SLC11A1: variants seen among roughly 807,000 people sequenced by gnomAD.
The protein encoded by SLC11A1 is natural resistance-associated macrophage protein 1.
A neutral mutation model predicts 63.2 loss-of-function variants in SLC11A1; 59 were observed. The observed-to-expected ratio is 0.93, with a 90% CI of 0.76 to 1.16. The LOEUF is 1.16. Ranked by LOEUF, SLC11A1 falls within the 50% of genes most tolerant of loss-of-function variation. SLC11A1 has a pLI of 0.00. For synonymous variants in SLC11A1, 305 were observed against 307.8 expected (o/e 0.99, Z 0.09); for missense variants, 688 against 730.7 (o/e 0.94, Z 0.67).
In SLC11A1 at chr2:218,393,006, GC is replaced by G; in HGVS notation, c.1191del (p.Phe398SerfsTer24). The G allele has an allele frequency of 6.3e-7, 1 of 1,594,876 alleles. No individual in the cohort carries two copies. Among genetic ancestry groups the G allele is most frequent in the Non-Finnish European group, 8.5e-7 (1 of 1,173,834 alleles). On this transcript the variant is annotated frameshift_variant, in exon 12 of 15. Transcript: ENST00000233202. LOFTEE classifies it high-confidence loss of function. ...GGCTTCCTGAGGCTGCGGTGGTCAC[GC>G]TTCGCCCGTGTCCTCCTCACCCGCT... is the stretch of plus-strand genomic sequence containing the variant. The part of the protein sequence containing the change: ...MEGFLRLRWS[R>X]FARVLLTRSC...
intron 4 of SLC11A1, among the ~76,000 whole-genome samples, chr2:218,386,270 T>C (rs572734464): frequency 6.6e-6 from 1 of 152,090 alleles, no homozygotes; most frequent in Admixed American, 6.5e-5. Flanking sequence ...CTGACCAACA[T>C]GGAGAAACCC....
At chr2:218,388,369 C>CA (rs34511982) in intron 8 of SLC11A1, 13,587 of 115,460 alleles carry the variant, frequency 0.12, 949 homozygotes, top group African/African-American at 0.22. Context: ...GACTCTGTCT[C>CA]AAAAAAAAAA....
Position 218,384,547 on chromosome 2 carries a change from A to G in SLC11A1, c.273+182A>G. 1 of 440,322 alleles carries G rather than the reference A, an allele frequency of 2.3e-6. No individual in the cohort carries two copies. The highest frequency in any genetic ancestry group is 3.7e-5 in the East Asian group (1 of 26,912). The allele number at this position is 440,322 out of a possible 1,614,324, so 27.3% of individuals were successfully genotyped here. ...AAGGTGGGGCATTTGTGTGGGGGGT[A>G]GGGGACTGGACTCCTCTCTTTAAAA... On this transcript the variant is annotated intron_variant, in intron 3 of 14. Coordinates refer to ENST00000233202, the MANE Select transcript of SLC11A1 (RefSeq NM_000578.4). This position sits in a 1 kb window ranked among gnomAD's most constrained non-coding sequence, Gnocchi z 4.0.
At chr2:218,386,917 G>A in intron 5 of SLC11A1, 176 bp downstream of exon 5, 1 of 660,844 alleles carries the variant, frequency 1.5e-6, no homozygotes, top group Non-Finnish European at 2.7e-6. Context: ...ACAGATGTGA[G>A]TCATGCAGGA....
chr2:218,386,799 T>TC (rs1199940255), intron 5 of SLC11A1, 58 bp downstream of exon 5: 28 of 1,287,758 alleles, frequency 2.2e-5, no homozygotes, highest in African/African-American at 5.9e-5. Context: ...TGCTGCTACT[T>TC]CCCCCCCTAA....
At position 218,394,162 on chromosome 2, in the gene SLC11A1, C is replaced by T. The variant is rs1371616476; in HGVS notation, c.1357C>T (p.Pro453Ser). The T allele has an allele frequency of 6.2e-7, 1 of 1,614,178 alleles. No homozygotes were observed. Among genetic ancestry groups the T allele is most frequent in the African/African-American group, 1.3e-5 (1 of 75,056 alleles). ...GCCCATCCTCACGTTCACCAGCATG[C>T]CCACCCTCATGCAGGAGTTTGCCAA... ...VLPILTFTSMPTLMQEFANGL... is the reference protein window; with the variant it reads ...VLPILTFTSMSTLMQEFANGL... Residue 453 changes from proline (P) to serine (S), a missense_variant, in exon 13 of 15, where the codon CCC (proline) becomes TCC (serine). Physicochemically the swap from Pro to Ser is moderately conservative, Grantham distance 74. Coordinates refer to ENST00000233202, the MANE Select transcript of SLC11A1 (RefSeq NM_000578.4).
At position 218,396,064 on chromosome 2, in the gene SLC11A1, C is replaced by T. The variant is rs1055865435; in HGVS notation, c.*1029C>T. The T allele has an allele frequency of 6.6e-6, 1 of 152,368 alleles. No homozygotes were observed. Among genetic ancestry groups the T allele is most frequent in the African/African-American group, 2.4e-5 (1 of 41,470 alleles). The allele number at this position is 152,368 out of a possible 1,614,324, so 9.4% of individuals were successfully genotyped here. A position where few individuals can be genotyped will look rare whatever the true frequency, so the allele number is the denominator to read the frequency against. On this transcript the variant is annotated 3_prime_UTR_variant, in exon 15 of 15. Transcript: ENST00000233202. ...TCCCACGCCGCGCCGTTACCGCTCC[C>T]TCTCTGCTGACTGCTCCCCCTAGGG...
At position 218,395,331 on chromosome 2, in the gene SLC11A1, A is replaced by G. The variant is rs1355330345; in HGVS notation, c.*296A>G. On this transcript the variant is annotated 3_prime_UTR_variant, in exon 15 of 15. Coordinates refer to ENST00000233202, the MANE Select transcript of SLC11A1 (RefSeq NM_000578.4). ...ACGAAAAACATTTCAAAAGGTATTTATTGAGCACCTGCAGGCGTGACCTGA... is the reference window on the plus strand; with the variant it reads ...ACGAAAAACATTTCAAAAGGTATTTGTTGAGCACCTGCAGGCGTGACCTGA... 1 of 366,490 alleles carries G rather than the reference A, an allele frequency of 2.7e-6. No individual in the cohort carries two copies. The highest frequency in any genetic ancestry group is 2.1e-5 in the African/African-American group (1 of 48,682). 22.7% of individuals were successfully genotyped at this position (366,490 alleles called of 1,614,324 possible).
intron 11 of SLC11A1, chr2:218,392,092 G>T: frequency 2.5e-6 from 1 of 395,144 alleles, no homozygotes; most frequent in South Asian, 1.8e-5. Flanking sequence ...TTTTTGAGAC[G>T]GCGTTTCGCT....
intron 11 of SLC11A1, 89 bp downstream of exon 11, chr2:218,391,584 T>A (rs1696455611): frequency 1.4e-5 from 18 of 1,326,464 alleles, no homozygotes; most frequent in Non-Finnish European, 1.7e-5. Flanking sequence ...TTGTGGGTCC[T>A]CTTTTCTTTT....
intron 8 of SLC11A1, 99 bp downstream of exon 8, chr2:218,388,054 C>T: frequency 7.3e-7 from 1 of 1,368,574 alleles, no homozygotes; most frequent in Non-Finnish European, 9.8e-7. Flanking sequence ...CTCCTTCCCT[C>T]AGGATTTGCG....
At position 218,391,581 on chromosome 2, in the gene SLC11A1, T is replaced by A. The variant is rs187676090; in HGVS notation, c.1164+86T>A. 61 of 1,368,774 alleles carry A rather than the reference T, an allele frequency of 4.5e-5. No individual in the cohort carries two copies. The African/African-American group carries it at 7.4e-4, about 17-fold the overall frequency. The allele number at this position is 1,368,774 out of a possible 1,614,324, so 84.8% of individuals were successfully genotyped here. A position where few individuals can be genotyped will look rare whatever the true frequency, so the allele number is the denominator to read the frequency against. Reference sequence around the variant, plus strand: ...GGGCTAGAACTCCGAGCCTTGTGGGTCCTCTTTTCTTTTCTTTCTTTTCTT... The same window carrying A: ...GGGCTAGAACTCCGAGCCTTGTGGGACCTCTTTTCTTTTCTTTCTTTTCTT... On this transcript the variant is annotated intron_variant, in intron 11 of 14. Transcript: ENST00000233202.
chr2:218,387,572 G>T lies in SLC11A1; in HGVS notation c.579G>T (p.Arg193=). 1 of 1,614,232 alleles carries T rather than the reference G, an allele frequency of 6.2e-7. No individual in the cohort carries two copies. The highest frequency in any genetic ancestry group is 8.5e-7 in the Non-Finnish European group (1 of 1,180,036). Residue 193 remains arginine (R), a synonymous_variant, in exon 7 of 15, where the codon CGG becomes CGT. Transcript: ENST00000233202. The part of the protein sequence containing the change: ...FFLFLDNYGL[R]KLEAFFGLLI... ...GTTTGTTCTGCTCCGTAGGGCTGCG[G>T]AAGCTGGAAGCTTTTTTTGGACTCC...
chr2:218,387,088 C>G, intron 5 of SLC11A1, 72 bp from the exon 6 acceptor site: 1 of 1,415,534 alleles, frequency 7.1e-7, no homozygotes, highest in Non-Finnish European at 1.0e-6. Flanking sequence ...TTCCTGTCTC[C>G]AGCCCTGAGG....
intron 13 of SLC11A1, 153 bp from the exon 14 acceptor site, chr2:218,394,478 TG>T: frequency 1.2e-6 from 1 of 846,032 alleles, no homozygotes; most frequent in Non-Finnish European, 1.8e-6. Flanking sequence ...AGGCAGGAGG[TG>T]GGGAGGGGGT....
chr2:218,387,666 C>G (rs200043869), intron 7 of SLC11A1, 34 bp downstream of exon 7: 1 of 1,613,062 alleles, frequency 6.2e-7, no homozygotes, highest in Admixed American at 1.7e-5. Context: ...CACTGTGGAC[C>G]TCCCAAGATC....
chr2:218,391,331 C>T, intron 10 of SLC11A1, 44 bp downstream of exon 10: 1 of 1,613,938 alleles, frequency 6.2e-7, no homozygotes, highest in Non-Finnish European at 8.5e-7. Flanking sequence ...GAGAGGCTCC[C>T]CGCCTCGGGC....
Position 218,383,043 on chromosome 2 carries a change from CA to C in SLC11A1, c.93del (p.Ala32HisfsTer8). On this transcript the variant is annotated frameshift_variant, in exon 2 of 15. Coordinates refer to ENST00000233202, the MANE Select transcript of SLC11A1 (RefSeq NM_000578.4). LOFTEE classifies it high-confidence loss of function. ...CAGCCCGACCAGCCCAGGGCCACAG[CA>C]AGCACCTCCCAGAGAGACCTACCTG... ...PTSPTSPGPQ[Q>X]APPRETYLSE... The C allele has an allele frequency of 6.2e-7, 1 of 1,614,072 alleles. No individual in the cohort carries two copies. Among genetic ancestry groups the C allele is most frequent in the Non-Finnish European group, 8.5e-7 (1 of 1,179,984 alleles).
Position 218,393,052 on chromosome 2 carries a change from C to T in SLC11A1, c.1236C>T (p.Thr412=), listed in dbSNP as rs765250211. ...LLTRSCAILP[T]VLVAVFRDLR... Reference sequence around the variant, plus strand: ...CCCGCTCCTGCGCCATCCTGCCCACCGTGCTCGTGGCTGTCTTCCGGGACC... The same window carrying T: ...CCCGCTCCTGCGCCATCCTGCCCACTGTGCTCGTGGCTGTCTTCCGGGACC... The change falls in exon 12 of 15, where the codon ACC becomes ACT. Residue 412 remains threonine, a synonymous_variant. Coordinates refer to ENST00000233202, the MANE Select transcript of SLC11A1 (RefSeq NM_000578.4). 36 of 1,599,830 alleles carry T rather than the reference C, an allele frequency of 2.3e-5. No individual in the cohort carries two copies. Among genetic ancestry groups the T allele is most frequent in the Middle Eastern group, 1.7e-4 (1 of 6,058 alleles).
Sources: allele counts gnomAD v4.1 joint callset (sites outside exome capture counted in the v4.1 genomes callset), GRCh38; gene constraint gnomAD v4.1.1; non-coding constraint Gnocchi (gnomAD v3.1); transcripts MANE v1.5; gene names NCBI Gene and HGNC (gene_info 2026-07-23, HGNC 2026-07-21).